Variants in B3GLCT observed in about 807,000 individuals in gnomAD.
B3GLCT encodes beta-1,3-glucosyltransferase.
Under a neutral mutation model 63.4 loss-of-function variants are expected in B3GLCT, and 65 were observed. That is an observed-to-expected ratio of 1.03 (90% CI 0.84 to 1.26). B3GLCT has a LOEUF of 1.26. Ranked by LOEUF, B3GLCT falls within the 50% of genes most tolerant of loss-of-function variation. B3GLCT has a pLI of 0.00. For missense variants in B3GLCT, 577 were observed against 604.8 expected, an observed-to-expected ratio of 0.95 and a Z score of 0.48; for synonymous variants, 233 against 219.2, an observed-to-expected ratio of 1.06 and a Z score of -0.55.
At position 31,330,004 on chromosome 13, in the gene B3GLCT, T is replaced by A. The variant is rs1875835149; in HGVS notation, c.*336T>A. ...CCAGAAGTCCCTTTCCTGTTCTGTC[T>A]CTTCATTGTAATGGAAGTTTCAGTT... On this transcript the variant is annotated 3_prime_UTR_variant, in exon 15 of 15. Coordinates refer to ENST00000343307, the MANE Select transcript of B3GLCT (RefSeq NM_194318.4). The A allele has an allele frequency of 6.1e-6, 2 of 326,364 alleles. No homozygotes were observed. The highest frequency in any genetic ancestry group is 4.3e-5 in the African/African-American group (2 of 46,694). 20.2% of individuals were successfully genotyped at this position (326,364 alleles called of 1,614,324 possible). A position where few individuals can be genotyped will look rare whatever the true frequency, so the allele number is the denominator to read the frequency against.
At chr13:31,296,944 C>T (rs989813486) in intron 12 of B3GLCT, among the ~76,000 whole-genome samples, 1 of 152,078 alleles carries the variant, frequency 6.6e-6, no homozygotes, top group Non-Finnish European at 1.5e-5. Context: ...ACCCCATCCC[C>T]TGGCAACCAT....
At chr13:31,271,156 A>C (rs1382844102) in intron 8 of B3GLCT, among the ~76,000 whole-genome samples, 1 of 152,216 alleles carries the variant, frequency 6.6e-6, no homozygotes, top group Non-Finnish European at 1.5e-5. Flanking sequence ...CGGACAAAAC[A>C]TTTGGTGTAA....
chr13:31,329,735 T>G lies in B3GLCT; in HGVS notation c.*67T>G. ...TGGAGACTGTGGCCTCATCCCACTGTGCTGTGCTCACAACACTTGTGTCTG... is the reference window on the plus strand; with the variant it reads ...TGGAGACTGTGGCCTCATCCCACTGGGCTGTGCTCACAACACTTGTGTCTG... On this transcript the variant is annotated 3_prime_UTR_variant, in exon 15 of 15. Transcript: ENST00000343307. 6.4e-7 allele frequency: 1 copy of G among 1,561,876 alleles called. No homozygotes were observed. Among genetic ancestry groups the G allele is most frequent in the Non-Finnish European group, 8.8e-7 (1 of 1,137,250 alleles).
chr13:31,239,622 C>A (rs954852547), intron 4 of B3GLCT, among the ~76,000 whole-genome samples: 1 of 150,722 alleles, frequency 6.6e-6, no homozygotes, highest in Non-Finnish European at 1.5e-5. Context: ...AGCTCAGGTT[C>A]TAGAGATGAT....
chr13:31,272,092 C>T (rs908870229), intron 8 of B3GLCT, among the ~76,000 whole-genome samples: 7 of 152,088 alleles, frequency 4.6e-5, no homozygotes, highest in Admixed American at 4.6e-4. Context: ...TTTCCCCCCA[C>T]CCTCCAGTTT....
At chr13:31,253,618 A>AAAAAAAAAAAC (rs1555249042) in intron 6 of B3GLCT, among the ~76,000 whole-genome samples, 1 of 82,266 alleles carries the variant, frequency 1.2e-5, no homozygotes, top group African/African-American at 4.9e-5. Flanking sequence ...AAAAAAAAAA[A>AAAAAAAAAAAC]AAACTAGAGA....
intron 4 of B3GLCT, among the ~76,000 whole-genome samples, chr13:31,230,184 A>G (rs1870307802): frequency 6.6e-6 from 1 of 152,198 alleles, no homozygotes; most frequent in African/African-American, 2.4e-5. Context: ...ATAACATTTA[A>G]AATAGGCATG....
intron 6 of B3GLCT, among the ~76,000 whole-genome samples, chr13:31,257,324 T>C (rs919958939): frequency 2.0e-5 from 3 of 152,124 alleles, no homozygotes; most frequent in Admixed American, 6.6e-5. Flanking sequence ...GTGATTTTCA[T>C]ATTGGTTAAG....
chr13:31,218,940 T>A (rs891715602), intron 2 of B3GLCT, among the ~76,000 whole-genome samples: 1 of 151,900 alleles, frequency 6.6e-6, no homozygotes. Flanking sequence ...CTTTTTTTTT[T>A]TTTGCTTCTA....
intron 4 of B3GLCT, among the ~76,000 whole-genome samples, chr13:31,241,449 G>T (rs538529933): frequency 3.3e-5 from 5 of 152,360 alleles, no homozygotes; most frequent in African/African-American, 1.2e-4. Context: ...CATGGTGCCA[G>T]TGGTGTGTGA....
At chr13:31,206,310 G>A (rs1868947956) in intron 1 of B3GLCT, among the ~76,000 whole-genome samples, 1 of 152,186 alleles carries the variant, frequency 6.6e-6, no homozygotes, top group Non-Finnish European at 1.5e-5. Flanking sequence ...CAGATTTTCT[G>A]ATTCAGAAGA....
intron 14 of B3GLCT, among the ~76,000 whole-genome samples, chr13:31,328,204 A>G (rs141312546): frequency 7.7e-4 from 118 of 152,350 alleles, no homozygotes; most frequent in African/African-American, 2.6e-3. Context: ...TAACAAAGGT[A>G]TTCTGTAAAC....
chr13:31,313,905 TGCAGTCTGGGGACTTGGTGCTGTGC>T (rs1332976907), intron 12 of B3GLCT, among the ~76,000 whole-genome samples: 1 of 152,110 alleles, frequency 6.6e-6, no homozygotes, highest in Non-Finnish European at 1.5e-5. Context: ...CCATGCTGTG[TGCAGTCTGGGGACTTGGTGCTGTGC>T]ATCCCAGCCA....
intron 12 of B3GLCT, among the ~76,000 whole-genome samples, chr13:31,292,925 C>T (rs940176575): frequency 3.0e-4 from 45 of 152,038 alleles, no homozygotes; most frequent in African/African-American, 1.1e-3. Context: ...AGATCTTTCT[C>T]ACCCTCTCCT....
At chr13:31,200,431 C>T (rs1868589568) in intron 1 of B3GLCT, among the ~76,000 whole-genome samples, 1 of 150,112 alleles carries the variant, frequency 6.7e-6, no homozygotes, top group African/African-American at 2.4e-5. Flanking sequence ...TCGCGTCTCC[C>T]AGCCTCTGCC....
intron 2 of B3GLCT, among the ~76,000 whole-genome samples, chr13:31,221,186 C>A (rs1158910994): frequency 6.6e-6 from 1 of 152,202 alleles, no homozygotes; most frequent in Non-Finnish European, 1.5e-5. Flanking sequence ...TGGGTTGAAT[C>A]ATCTCCAATG....
chr13:31,263,510 A>G (rs1593282541), intron 7 of B3GLCT, among the ~76,000 whole-genome samples: 1 of 152,194 alleles, frequency 6.6e-6, no homozygotes, highest in East Asian at 1.9e-4. Context: ...CATCAAGTGT[A>G]GCAGCACCCA....
intron 6 of B3GLCT, among the ~76,000 whole-genome samples, chr13:31,250,205 G>T (rs896862846): frequency 6.6e-6 from 1 of 152,014 alleles, no homozygotes; most frequent in Non-Finnish European, 1.5e-5. Context: ...ACAGAGTCTC[G>T]TTCTGTCACC....
intron 12 of B3GLCT, among the ~76,000 whole-genome samples, chr13:31,292,693 T>TTC (rs557951375): frequency 3.4e-4 from 33 of 96,092 alleles, no homozygotes; most frequent in Admixed American, 9.1e-4. Context: ...TATTTTATTC[T>TTC]TCTCTCTTTT....
Sources: gnomAD v4.1 joint callset for allele counts (sites outside exome capture counted in the v4.1 genomes callset) on GRCh38, gnomAD v4.1.1 for gene constraint, MANE v1.5 for transcripts, NCBI Gene and HGNC (gene_info 2026-07-23, HGNC 2026-07-21) for gene names.